The following NAALADL2 variants were observed in gnomAD, a reference collection of about 807,000 sequenced individuals.
NAALADL2 encodes inactive N-acetylated-alpha-linked acidic dipeptidase-like protein 2.
NAALADL2 carries 76 observed loss-of-function variants against 87.2 expected under a neutral mutation model. The ratio of observed to expected loss-of-function variants is 0.87; its 90% CI spans 0.72 to 1.05. The LOEUF (loss-of-function observed/expected upper bound fraction) is 1.05, where lower values mean the gene tolerates loss of function less well. Among genes scored for constraint, NAALADL2 ranks in the 50% least tolerant of loss-of-function variants. The pLI is 0.00. For missense variants in NAALADL2, 1,089 were observed against 945.8 expected (o/e 1.15, Z -1.99); for synonymous variants, 354 against 331.0 (o/e 1.07, Z -0.75).
intron 11 of NAALADL2, among the ~76,000 whole-genome samples, chr3:175,704,151 A>T (rs1739354493): frequency 6.6e-6 from 1 of 152,162 alleles, no homozygotes; most frequent in Non-Finnish European, 1.5e-5. Flanking sequence ...ATACAATCTG[A>T]GTATGAAAAT....
At chr3:175,423,044 T>C (rs1309190074) in intron 5 of NAALADL2, among the ~76,000 whole-genome samples, 1 of 115,188 alleles carries the variant, frequency 8.7e-6, no homozygotes, top group Non-Finnish European at 1.8e-5. Context: ...TATATATATA[T>C]ATATATATTT....
At chr3:175,353,716 T>A (rs1764038735) in intron 5 of NAALADL2, among the ~76,000 whole-genome samples, 1 of 152,260 alleles carries the variant, frequency 6.6e-6, no homozygotes, top group South Asian at 2.1e-4. Context: ...TAACAACCAC[T>A]GATTTTCAAA....
intron 9 of NAALADL2, among the ~76,000 whole-genome samples, chr3:175,557,087 A>G (rs1024399759): frequency 3.9e-5 from 6 of 152,236 alleles, no homozygotes; most frequent in African/African-American, 1.4e-4. Context: ...ATCTGTACAG[A>G]CATTCTCTAA....
intron 3 of NAALADL2, among the ~76,000 whole-genome samples, chr3:174,844,278 T>C (rs1278985487): frequency 6.6e-6 from 1 of 152,230 alleles, no homozygotes; most frequent in Admixed American, 6.5e-5. Context: ...TATTGGTACC[T>C]GTGTTGAAAA....
chr3:175,606,893 T>C (rs896836859), intron 10 of NAALADL2, among the ~76,000 whole-genome samples: 1 of 152,196 alleles, frequency 6.6e-6, no homozygotes, highest in Non-Finnish European at 1.5e-5. Context: ...TCTGTGGTAA[T>C]TTTGCTGGAT....
At chr3:175,127,544 A>G (rs994664245) in intron 2 of NAALADL2, among the ~76,000 whole-genome samples, 1 of 152,200 alleles carries the variant, frequency 6.6e-6, no homozygotes, top group Non-Finnish European at 1.5e-5. Flanking sequence ...TAGAATCTGA[A>G]GAGGAAGAAA....
intron 2 of NAALADL2, among the ~76,000 whole-genome samples, chr3:174,649,187 C>T (rs1578423273): frequency 6.6e-6 from 1 of 152,086 alleles, no homozygotes; most frequent in African/African-American, 2.4e-5. Flanking sequence ...TGGTCTTGAA[C>T]TCCTGACCTC....
At chr3:174,945,782 T>C (rs1739315599) in intron 1 of NAALADL2, among the ~76,000 whole-genome samples, 1 of 152,154 alleles carries the variant, frequency 6.6e-6, no homozygotes, top group African/African-American at 2.4e-5. Context: ...GCAAGGTGGC[T>C]CACGCCTGTA....
chr3:175,259,018 A>C (rs1281094442), intron 4 of NAALADL2, among the ~76,000 whole-genome samples: 1 of 152,186 alleles, frequency 6.6e-6, no homozygotes, highest in African/African-American at 2.4e-5. Flanking sequence ...GGCAGTGACC[A>C]GCCAGATTAA....
chr3:174,787,606 T>TATACATATATATATATACAC (rs1553855461), intron 3 of NAALADL2, among the ~76,000 whole-genome samples: 8 of 104,814 alleles, frequency 7.6e-5, no homozygotes, highest in East Asian at 2.6e-4. Flanking sequence ...TATATATATA[T>TATACATATATATATATACAC]ATATATATAT....
rs142221579 is a variant in NAALADL2, at chr3:174,562,816, A to G, written c.-115+12179A>G. On this transcript the variant is annotated intron_variant, in intron 2 of 3. Transcript: ENST00000434257. ...AAGTTGATATGTATGTAAACATTAT[A>G]TTTAGTAATAATAATATGGAAGTTG... 3.8e-4 allele frequency among the ~76,000 whole-genome samples: 58 copies of G among 152,148 alleles called. No individual in the cohort carries two copies. The East Asian group carries it at 0.01, about 27-fold the overall frequency.
rs969192856 is a variant in NAALADL2, at chr3:175,390,215, G to A, written c.1091-57014G>A. 1.4e-4 allele frequency among the ~76,000 whole-genome samples: 21 copies of A among 151,988 alleles called. No homozygotes were observed. In the East Asian group the frequency reaches 1.9e-3, roughly 14 times the overall value. Reference sequence around the variant, plus strand: ...GTGCCTTCCACTCCCCCACTCCCTCGCAAGGGGACAACTCTAAAACAAAAA... The same window carrying A: ...GTGCCTTCCACTCCCCCACTCCCTCACAAGGGGACAACTCTAAAACAAAAA... On this transcript the variant is annotated intron_variant, in intron 5 of 13. Transcript: ENST00000454872.
At chr3:175,580,835 G>A (rs966676540) in intron 10 of NAALADL2, among the ~76,000 whole-genome samples, 10 of 151,780 alleles carry the variant, frequency 6.6e-5, no homozygotes, top group African/African-American at 2.4e-4. Context: ...TTAGTGCTGG[G>A]GTTCTCACAT....
At chr3:174,938,948 A>AT (rs1738147563) in intron 1 of NAALADL2, among the ~76,000 whole-genome samples, 1 of 151,946 alleles carries the variant, frequency 6.6e-6, no homozygotes, top group South Asian at 2.1e-4. Context: ...GAGTAAGCAG[A>AT]TATTTTCTCC....
At chr3:175,474,259 A>C (rs1009639709) in intron 9 of NAALADL2, among the ~76,000 whole-genome samples, 5 of 152,212 alleles carry the variant, frequency 3.3e-5, no homozygotes, top group Non-Finnish European at 7.3e-5. Flanking sequence ...CATCAAGTTC[A>C]TATAATAGAT....
intron 1 of NAALADL2, among the ~76,000 whole-genome samples, chr3:174,497,111 C>T (rs1370151125): frequency 6.6e-6 from 1 of 152,106 alleles, no homozygotes; most frequent in African/African-American, 2.4e-5. Context: ...ATTTTAATAT[C>T]TTGGAGGCGT....
chr3:175,782,751 T>C (rs1289036981), intron 13 of NAALADL2, among the ~76,000 whole-genome samples: 1 of 142,974 alleles, frequency 7.0e-6, no homozygotes, highest in Non-Finnish European at 1.5e-5. Flanking sequence ...TGCCATTGCT[T>C]TTGGTGTTTT....
intron 3 of NAALADL2, among the ~76,000 whole-genome samples, chr3:174,835,448 A>G (rs1723214728): frequency 6.6e-6 from 1 of 152,138 alleles, no homozygotes; most frequent in Non-Finnish European, 1.5e-5. Flanking sequence ...GGATTTAGCT[A>G]TGATTTTTTG....
intron 11 of NAALADL2, among the ~76,000 whole-genome samples, chr3:175,705,768 T>C (rs1007568983): frequency 1.1e-4 from 16 of 152,142 alleles, no homozygotes; most frequent in African/African-American, 3.9e-4. Flanking sequence ...AGCTAGTTAA[T>C]GGTAAACCTC....
Sources: gnomAD v4.1 joint callset for allele counts (sites outside exome capture counted in the v4.1 genomes callset) on GRCh38, gnomAD v4.1.1 for gene constraint, MANE v1.5 for transcripts, NCBI Gene and HGNC (gene_info 2026-07-23, HGNC 2026-07-21) for gene names.